OR51B5: variants seen among roughly 807,000 people sequenced by gnomAD.
OR51B5 encodes the protein olfactory receptor 51B5.
For missense variants in OR51B5, 456 were observed against 374.6 expected (o/e 1.22, Z -1.79); for synonymous variants, 186 against 144.8 (o/e 1.28, Z -2.04).
intron 1 of OR51B5, among the ~76,000 whole-genome samples, chr11:5,385,734 T>C (rs1031584014): frequency 1.4e-5 from 2 of 138,974 alleles, no homozygotes; most frequent in African/African-American, 5.3e-5. Context: ...AAATATCTAA[T>C]ATTTTTGTAT....
At chr11:5,357,816 T>G (rs973634464) in intron 1 of OR51B5, among the ~76,000 whole-genome samples, 33 of 151,346 alleles carry the variant, frequency 2.2e-4, no homozygotes, top group Non-Finnish European at 1.6e-4. Flanking sequence ...GCAATCAAAC[T>G]AGAACTCAGG....
At chr11:5,483,823 G>C (rs1344418882) in intron 1 of OR51B5, among the ~76,000 whole-genome samples, 3 of 152,124 alleles carry the variant, frequency 2.0e-5, no homozygotes, top group African/African-American at 7.2e-5. Context: ...CAATCCCCTT[G>C]ACTAGAGGAG....
chr11:5,341,639 TAC>T (rs1334113342), downstream of OR51B5, among the ~76,000 whole-genome samples: 1 of 152,210 alleles, frequency 6.6e-6, no homozygotes, highest in African/African-American at 2.4e-5. Context: ...TTGGGAAATT[TAC>T]ACTTATTACA....
chr11:5,425,056 C>G (rs1164869067), intron 1 of OR51B5, among the ~76,000 whole-genome samples: 1 of 109,804 alleles, frequency 9.1e-6, no homozygotes, highest in African/African-American at 3.1e-5. Flanking sequence ...ACATCCTTTC[C>G]TCATGTTTTA....
At chr11:5,379,733 C>CA (rs1365369180) in intron 1 of OR51B5, among the ~76,000 whole-genome samples, 2 of 152,030 alleles carry the variant, frequency 1.3e-5, no homozygotes, top group African/African-American at 4.8e-5. Flanking sequence ...AATAATTCCT[C>CA]AAAAAACGTT....
chr11:5,375,351 C>A (rs1013004742), intron 1 of OR51B5, among the ~76,000 whole-genome samples: 161 of 151,340 alleles, frequency 1.1e-3, no homozygotes, highest in African/African-American at 3.8e-3. Flanking sequence ...CATGGAAAGG[C>A]ACAACCGGTA....
At chr11:5,394,940 G>T (rs1849844878) in intron 1 of OR51B5, among the ~76,000 whole-genome samples, 1 of 152,110 alleles carries the variant, frequency 6.6e-6, no homozygotes, top group East Asian at 1.9e-4. Context: ...CTGTCTCAAG[G>T]GGACTTTTGT....
intron 1 of OR51B5, among the ~76,000 whole-genome samples, chr11:5,402,238 T>C (rs185346168): frequency 1.8e-4 from 28 of 152,184 alleles, no homozygotes; most frequent in African/African-American, 6.5e-4. Flanking sequence ...TGGTCTCAAA[T>C]TCCTGGGCTC....
At chr11:5,493,627 C>T (rs1486846211) in intron 1 of OR51B5, among the ~76,000 whole-genome samples, 1 of 152,106 alleles carries the variant, frequency 6.6e-6, no homozygotes, top group Non-Finnish European at 1.5e-5. Context: ...ACTGTAAAAG[C>T]AGAAAATAGT....
chr11:5,457,035 C>T (rs759999399), intron 1 of OR51B5, among the ~76,000 whole-genome samples: 7 of 152,138 alleles, frequency 4.6e-5, no homozygotes, highest in Non-Finnish European at 8.8e-5. Flanking sequence ...TCATGCTTCC[C>T]GTAAGCCTGC....
chr11:5,423,308 G>C, intron 1 of OR51B5: 3 of 871,566 alleles, frequency 3.4e-6, no homozygotes, highest in Non-Finnish European at 5.0e-6. Flanking sequence ...TGGCTGAGGT[G>C]AGCTAGCAGC....
intron 1 of OR51B5, chr11:5,389,862 G>C (rs773014758): frequency 3.1e-6 from 5 of 1,613,726 alleles, no homozygotes; most frequent in Non-Finnish European, 3.4e-6. Flanking sequence ...CAAGTGGTCA[G>C]AGCAGGCCTA....
intron 1 of OR51B5, chr11:5,455,291 GTC>G (rs1277701178): frequency 1.3e-5 from 2 of 150,402 alleles, no homozygotes; most frequent in Non-Finnish European, 3.0e-5. Flanking sequence ...GATTTTAACT[GTC>G]TTCCACAAAA....
At chr11:5,497,123 C>T (rs1327548947) in intron 1 of OR51B5, among the ~76,000 whole-genome samples, 1 of 152,138 alleles carries the variant, frequency 6.6e-6, no homozygotes, top group Non-Finnish European at 1.5e-5. Flanking sequence ...TCCTAAGACA[C>T]TTGAAGATGT....
At chr11:5,375,615 G>T (rs969644154) in intron 1 of OR51B5, among the ~76,000 whole-genome samples, 1 of 152,056 alleles carries the variant, frequency 6.6e-6, no homozygotes, top group Non-Finnish European at 1.5e-5. Flanking sequence ...GATGGAGGAA[G>T]ATCTACCAAG....
At chr11:5,354,027 A>T (rs1222803340) in intron 1 of OR51B5, among the ~76,000 whole-genome samples, 1 of 152,176 alleles carries the variant, frequency 6.6e-6, no homozygotes, top group East Asian at 1.9e-4. Context: ...GATGGTAAAT[A>T]TAACATAGTT....
At chr11:5,470,365 G>A (rs1040392665) in intron 1 of OR51B5, among the ~76,000 whole-genome samples, 2 of 152,124 alleles carry the variant, frequency 1.3e-5, no homozygotes, top group Non-Finnish European at 2.9e-5. Flanking sequence ...ACAAACTTCA[G>A]CAAACCTCTT....
rs1198879379 is a variant in OR51B5, at chr11:5,363,343, GTT to G, written n.85-16435_85-16434del. On this transcript the variant is annotated intron_variant and non_coding_transcript_variant, in intron 1 of 4. Transcript: ENST00000415970. Reference sequence around the variant, plus strand: ...ATGATGCAGCAGTATTGGAATTACAGTTTTTTTTGGTTTTTGTTTTTTTTTAC... The same window carrying G: ...ATGATGCAGCAGTATTGGAATTACAGTTTTTTGGTTTTTGTTTTTTTTTAC... Among the ~76,000 whole-genome samples, 3 of 105,548 alleles carry G rather than the reference GTT, an allele frequency of 2.8e-5. No individual in the cohort carries two copies. The South Asian group carries it at 9.7e-4, about 34-fold the overall frequency. The allele number at this position is 105,548 out of a possible 152,430, so 69.2% of individuals were successfully genotyped here. A position where few individuals can be genotyped will look rare whatever the true frequency, so the allele number is the denominator to read the frequency against.
chr11:5,352,256 A>G (rs780471818), intron 1 of OR51B5: 3 of 1,614,180 alleles, frequency 1.9e-6, no homozygotes, highest in Non-Finnish European at 2.5e-6. Context: ...CTGGTCTTCT[A>G]TGTCACTGTA....
Sources: gnomAD v4.1 joint callset for allele counts (sites outside exome capture counted in the v4.1 genomes callset) on GRCh38, gnomAD v4.1.1 for gene constraint, MANE v1.5 for transcripts, NCBI Gene and HGNC (gene_info 2026-07-23, HGNC 2026-07-21) for gene names.